The following MKLN1 variants were observed in gnomAD, a reference collection of about 807,000 sequenced individuals.
The protein encoded by MKLN1 is muskelin 1.
A neutral mutation model predicts 99.0 loss-of-function variants in MKLN1; 18 were observed. That is an observed-to-expected ratio of 0.18 (90% CI 0.13 to 0.27). The LOEUF is 0.27. MKLN1 is among the 10% of genes least tolerant of loss of function. The pLI is 1.00. For synonymous variants in MKLN1, 288 were observed against 293.2 expected, an observed-to-expected ratio of 0.98 and a Z score of 0.18; for missense variants, 621 against 875.9, an observed-to-expected ratio of 0.71 and a Z score of 3.67.
chr7:131,359,996 G>T (rs1416500210), intron 1 of MKLN1, among the ~76,000 whole-genome samples: 2 of 151,964 alleles, frequency 1.3e-5, no homozygotes, highest in Non-Finnish European at 2.9e-5. Context: ...TGATCCACCC[G>T]CCTCGGCCTC....
chr7:131,300,401 C>T (rs1798358792), intron 3 of MKLN1, among the ~76,000 whole-genome samples: 1 of 151,488 alleles, frequency 6.6e-6, no homozygotes, highest in African/African-American at 2.4e-5. Context: ...CAATGTGGGG[C>T]TGGGGGTGGT....
intron 4 of MKLN1, among the ~76,000 whole-genome samples, chr7:131,394,536 C>A (rs1258680457): frequency 6.6e-6 from 1 of 151,994 alleles, no homozygotes; most frequent in East Asian, 1.9e-4. Context: ...GAGGCAGAGC[C>A]CAGGCAGTAA....
chr7:131,315,241 G>T (rs1798643249), intron 3 of MKLN1, among the ~76,000 whole-genome samples: 1 of 151,862 alleles, frequency 6.6e-6, no homozygotes, highest in South Asian at 2.1e-4. Flanking sequence ...ATTGGGACTG[G>T]TTAGACAGTG....
chr7:131,385,918 C>T (rs904148585), intron 2 of MKLN1, among the ~76,000 whole-genome samples: 1 of 151,442 alleles, frequency 6.6e-6, no homozygotes. Context: ...GCTGTCATAT[C>T]TAAGAATCCG....
At chr7:131,442,712 T>TC (rs986559901) in intron 10 of MKLN1, among the ~76,000 whole-genome samples, 4 of 152,224 alleles carry the variant, frequency 2.6e-5, no homozygotes, top group African/African-American at 9.6e-5. Context: ...CCACTTACGT[T>TC]CAACAGCTAA....
At chr7:131,306,487 G>C (rs774700774) in intron 3 of MKLN1, among the ~76,000 whole-genome samples, 13 of 152,230 alleles carry the variant, frequency 8.5e-5, no homozygotes, top group Non-Finnish European at 8.8e-5. Flanking sequence ...GGTGGTCTCA[G>C]ATAGAGATAA....
chr7:131,455,275 G>A (rs545108039), intron 12 of MKLN1, among the ~76,000 whole-genome samples: 1 of 152,012 alleles, frequency 6.6e-6, no homozygotes, highest in African/African-American at 2.4e-5. Flanking sequence ...CCCTCCCACA[G>A]GGTTTCTTTA....
chr7:131,118,073 C>T (rs1300439894), intron 1 of MKLN1, among the ~76,000 whole-genome samples: 2 of 152,160 alleles, frequency 1.3e-5, no homozygotes, highest in East Asian at 3.8e-4. Flanking sequence ...GCAGATCCCT[C>T]ATGAGCCTAT....
intron 2 of MKLN1, among the ~76,000 whole-genome samples, chr7:131,195,002 G>A (rs1017424487): frequency 2.0e-5 from 3 of 152,066 alleles, no homozygotes; most frequent in Admixed American, 6.6e-5. Flanking sequence ...CTGTCAACAC[G>A]GGCACCTCCA....
chr7:131,133,024 G>A (rs1260344465), intron 1 of MKLN1, among the ~76,000 whole-genome samples: 1 of 150,284 alleles, frequency 6.7e-6, no homozygotes, highest in Non-Finnish European at 1.5e-5. Context: ...TTTAGGCCCT[G>A]AAGTACCAAG....
intron 1 of MKLN1, among the ~76,000 whole-genome samples, chr7:131,122,547 G>A (rs1795388891): frequency 6.6e-6 from 1 of 152,312 alleles, no homozygotes; most frequent in South Asian, 2.1e-4. Flanking sequence ...CCCTGAATGA[G>A]TTGATGGAAA....
Position 131,381,966 on chromosome 7 carries a change from T to C in MKLN1, c.169-5154T>C, listed in dbSNP as rs537204104. The stretch of plus-strand genomic sequence containing the variant: ...TAATAGTAGGATCTTGTTACCTACT[T>C]GATTTCTGTTGTATGAATATCTCAC... On this transcript the variant is annotated intron_variant, in intron 2 of 17. Transcript: ENST00000352689. Among the ~76,000 whole-genome samples the C allele has an allele frequency of 1.2e-4, 18 of 152,382 alleles. No homozygotes were observed. The South Asian group carries it at 3.3e-3, about 28-fold the overall frequency.
Position 131,286,999 on chromosome 7 carries a change from G to A in MKLN1, c.-179+84025G>A, listed in dbSNP as rs1798141227. 2.0e-5 allele frequency among the ~76,000 whole-genome samples: 3 copies of A among 152,236 alleles called. No homozygotes were observed. The South Asian group carries it at 6.2e-4, about 32-fold the overall frequency. The stretch of plus-strand genomic sequence containing the variant: ...ACACCTGTGGCCCAGCTTCTTGGGA[G>A]GCTGAGATGGGAGGATCGATTGAGC... On this transcript the variant is annotated intron_variant, in intron 3 of 7. Coordinates refer to the MKLN1 transcript ENST00000416992.
At chr7:131,441,696 T>C (rs1795846278) in intron 10 of MKLN1, among the ~76,000 whole-genome samples, 1 of 152,224 alleles carries the variant, frequency 6.6e-6, no homozygotes, top group Non-Finnish European at 1.5e-5. Flanking sequence ...ATGTTTATAC[T>C]TCAGCCCTGC....
chr7:131,338,360 T>C (rs193080734), intron 1 of MKLN1, among the ~76,000 whole-genome samples: 18 of 152,384 alleles, frequency 1.2e-4, no homozygotes, highest in Non-Finnish European at 2.5e-4. Flanking sequence ...TGCTGACTTC[T>C]CTGCCTCCTA....
At chr7:131,277,467 A>G (rs920526854) in intron 3 of MKLN1, among the ~76,000 whole-genome samples, 6 of 152,100 alleles carry the variant, frequency 3.9e-5, no homozygotes, top group African/African-American at 1.4e-4. Flanking sequence ...TATTTTTAGT[A>G]GAGACGGGGT....
intron 3 of MKLN1, among the ~76,000 whole-genome samples, chr7:131,263,702 G>C (rs1360333003): frequency 1.3e-5 from 2 of 151,570 alleles, no homozygotes; most frequent in East Asian, 3.9e-4. Flanking sequence ...CCCAAGTACT[G>C]GGGACTACAG....
chr7:131,291,435 C>T (rs1196688603), intron 3 of MKLN1, among the ~76,000 whole-genome samples: 1 of 151,670 alleles, frequency 6.6e-6, no homozygotes, highest in Non-Finnish European at 1.5e-5. Flanking sequence ...CCAGCCCATC[C>T]CATATGTTAT....
At chr7:131,200,482 A>G (rs1032146813) in intron 2 of MKLN1, among the ~76,000 whole-genome samples, 1 of 152,200 alleles carries the variant, frequency 6.6e-6, no homozygotes, top group African/African-American at 2.4e-5. Flanking sequence ...TTCTTTTTAA[A>G]ATGTGTATGG....
Sources: allele counts gnomAD v4.1 joint callset (sites outside exome capture counted in the v4.1 genomes callset), GRCh38; gene constraint gnomAD v4.1.1; transcripts MANE v1.5; gene names NCBI Gene and HGNC (gene_info 2026-07-23, HGNC 2026-07-21).